Variants in LRCH2 observed in about 807,000 individuals in gnomAD.
The protein encoded by LRCH2 is leucine rich repeats and calponin homology domain containing 2, also known as leucine-rich repeat and calponin homology domain-containing protein 2.
A neutral mutation model predicts 68.9 loss-of-function variants in LRCH2; 38 were observed. The observed-to-expected ratio is 0.55, with a 90% CI of 0.43 to 0.72. The LOEUF is 0.72. LRCH2 is among the 30% of genes least tolerant of loss of function. The pLI is 0.00. For synonymous variants in LRCH2, 191 were observed against 208.1 expected (o/e 0.92, Z 0.71); for missense variants, 528 against 572.9 (o/e 0.92, Z 0.80).
rs1556558691 is a variant in LRCH2 at position 115,191,080 on chromosome X, T to A, written c.350-2710A>T. 2.6e-6 allele frequency: 3 copies of A among 1,155,724 alleles called. No individual in the cohort carries two copies. The Admixed American group carries it at 8.1e-5, about 31-fold the overall frequency. ...CAACAGTTACGGCCAGAGCCACCGC[T>A]ATGGAGGAGAAGGCCGCTATGAGTA... On this transcript the variant is annotated intron_variant, in intron 1 of 20. Transcript: ENST00000317135.
intron 1 of LRCH2, chrX:115,192,112 A>G: frequency 8.6e-7 from 1 of 1,167,239 alleles, no homozygotes; most frequent in South Asian, 1.9e-5. Context: ...CGAAGCCTAC[A>G]GCAGGGGCCG....
At chrX:115,125,913 A>C (rs185060114) in intron 16 of LRCH2, among the ~76,000 whole-genome samples, 1 of 109,478 alleles carries the variant, frequency 9.1e-6, no homozygotes, top group Non-Finnish European at 1.9e-5. Flanking sequence ...ATTTAGAAAC[A>C]TGTTTATAAA....
chrX:115,145,284 C>T (rs903779620), intron 14 of LRCH2, among the ~76,000 whole-genome samples: 1 of 111,397 alleles, frequency 9.0e-6, no homozygotes, highest in Non-Finnish European at 1.9e-5. Context: ...TTGTTGTACA[C>T]AAAAATCAAA....
intron 1 of LRCH2, chrX:115,192,384 C>T (rs2072847923): frequency 8.6e-7 from 1 of 1,158,914 alleles, no homozygotes; most frequent in South Asian, 1.9e-5. Flanking sequence ...GAGGAGGAGG[C>T]CACTACGAGG....
intron 2 of LRCH2, among the ~76,000 whole-genome samples, chrX:115,186,285 G>A (rs991316090): frequency 2.8e-5 from 3 of 108,523 alleles, no homozygotes; most frequent in Admixed American, 9.9e-5. Context: ...TTTGGGAGGC[G>A]GAGGTTGCAG....
chrX:115,190,148 G>C (rs182342906), intron 1 of LRCH2: 88,298 of 1,162,255 alleles, frequency 0.076, 2,715 homozygotes, highest in Middle Eastern at 0.086. Flanking sequence ...GGCTACTCAG[G>C]CCCGCGGGTC....
At chrX:115,223,937 AAAG>A (rs1281966798) in intron 1 of LRCH2, among the ~76,000 whole-genome samples, 5 of 110,295 alleles carry the variant, frequency 4.5e-5, no homozygotes, top group African/African-American at 6.6e-5. Flanking sequence ...GAAAAAAAAA[AAAG>A]AAGAAGAAGA....
At chrX:115,118,381 T>C (rs1556524762) in intron 20 of LRCH2, among the ~76,000 whole-genome samples, 1 of 109,919 alleles carries the variant, frequency 9.1e-6, no homozygotes, top group Non-Finnish European at 1.9e-5. Context: ...CAGAGAATAC[T>C]ACAAACACCT....
intron 1 of LRCH2, among the ~76,000 whole-genome samples, chrX:115,225,359 G>A (rs1192379316): frequency 1.8e-5 from 2 of 110,572 alleles, no homozygotes; most frequent in African/African-American, 6.6e-5. Flanking sequence ...TCATTTGGGG[G>A]TATTGTTTTC....
At chrX:115,195,699 G>GTC (rs1356538797) in intron 1 of LRCH2, among the ~76,000 whole-genome samples, 1 of 111,490 alleles carries the variant, frequency 9.0e-6, no homozygotes, top group Non-Finnish European at 1.9e-5. Flanking sequence ...GCCTGTCGTG[G>GTC]TCAAGACCGG....
chrX:115,175,626 T>C (rs1303884050), intron 5 of LRCH2, among the ~76,000 whole-genome samples: 1 of 112,056 alleles, frequency 8.9e-6, no homozygotes, highest in African/African-American at 3.2e-5. Context: ...TTCTGAAGGC[T>C]CCAGTGTCAC....
At chrX:115,138,308 G>A (rs2072307390) in intron 14 of LRCH2, among the ~76,000 whole-genome samples, 1 of 111,334 alleles carries the variant, frequency 9.0e-6, no homozygotes, top group Non-Finnish European at 1.9e-5. Flanking sequence ...TCAACAAACA[G>A]GCCCAGTTTG....
chrX:115,149,565 C>T (rs1214438194), intron 14 of LRCH2, among the ~76,000 whole-genome samples: 3 of 111,697 alleles, frequency 2.7e-5, no homozygotes, highest in African/African-American at 9.7e-5. Context: ...CATATTGCTA[C>T]AACTAGCAGT....
chrX:115,149,117 T>C (rs781928832), intron 14 of LRCH2, among the ~76,000 whole-genome samples: 1 of 111,815 alleles, frequency 8.9e-6, no homozygotes, highest in South Asian at 3.7e-4. Flanking sequence ...AAATTTGCTA[T>C]TCATGGAGCA....
chrX:115,120,735 G>T (rs1217710315), intron 20 of LRCH2, among the ~76,000 whole-genome samples: 5 of 98,145 alleles, frequency 5.1e-5, no homozygotes, highest in African/African-American at 1.5e-4. Context: ...TGTTTATTGC[G>T]GCATTATTCA....
chrX:115,192,091 G>A, intron 1 of LRCH2: 2 of 1,167,231 alleles, frequency 1.7e-6, no homozygotes, highest in Non-Finnish European at 2.3e-6. Flanking sequence ...CCACAGCGGG[G>A]ACCACTACAC....
At chrX:115,197,301 GA>G (rs1221702540) in intron 1 of LRCH2, among the ~76,000 whole-genome samples, 2 of 108,060 alleles carry the variant, frequency 1.9e-5, no homozygotes, top group Admixed American at 9.8e-5. Flanking sequence ...AACCAAAAAA[GA>G]AAAAAAAATC....
rs2072574284 is a variant in LRCH2, at chrX:115,167,616, TAC to T, written c.999-1276_999-1275del. Among the ~76,000 whole-genome samples the T allele has an allele frequency of 2.7e-5, 3 of 111,000 alleles. No individual in the cohort carries two copies. In the South Asian group the frequency reaches 1.1e-3, roughly 41 times the overall value. ...CACCTCATATTTTAGACATAATTCT[TAC>T]AGTCTTGAAGTTATAATTATTATCT... On this transcript the variant is annotated intron_variant, in intron 6 of 20. Coordinates refer to ENST00000317135, the MANE Select transcript of LRCH2 (RefSeq NM_020871.4).
chrX:115,160,240 C>T (rs1324453955), intron 11 of LRCH2, among the ~76,000 whole-genome samples: 6 of 110,820 alleles, frequency 5.4e-5, no homozygotes, highest in Middle Eastern at 4.6e-3. Flanking sequence ...TGCTTGAACC[C>T]GGGAGGTGGA....
Sources: allele counts gnomAD v4.1 joint callset (sites outside exome capture counted in the v4.1 genomes callset), GRCh38; gene constraint gnomAD v4.1.1; transcripts MANE v1.5; gene names NCBI Gene and HGNC (gene_info 2026-07-23, HGNC 2026-07-21).